Variants in CEP128 observed in about 807,000 individuals in gnomAD.
CEP128 encodes the protein centrosomal protein 128kDa.
In CEP128, 132 loss-of-function variants were observed where a neutral mutation model predicts 156.7. That is an observed-to-expected ratio of 0.84 (90% CI 0.73 to 0.97). The LOEUF is 0.97. CEP128 is among the 50% of genes least tolerant of loss of function. CEP128 has a pLI of 0.00. For synonymous variants in CEP128, 469 were observed against 448.9 expected (o/e 1.04, Z -0.57); for missense variants, 1,252 against 1,281.9 (o/e 0.98, Z 0.36).
intron 23 of CEP128, among the ~76,000 whole-genome samples, chr14:80,505,985 A>G (rs1262153043): frequency 2.0e-5 from 3 of 152,218 alleles, no homozygotes; most frequent in Non-Finnish European, 2.9e-5. Flanking sequence ...GATATAATAA[A>G]AACTGTAAGT....
intron 20 of CEP128, among the ~76,000 whole-genome samples, chr14:80,568,502 C>T (rs1891010282): frequency 6.6e-6 from 1 of 152,152 alleles, no homozygotes; most frequent in Non-Finnish European, 1.5e-5. Context: ...TTGCCCGTCA[C>T]TCTCATATTC....
chr14:80,727,050 C>T (rs970305177), intron 19 of CEP128, among the ~76,000 whole-genome samples: 26 of 152,178 alleles, frequency 1.7e-4, no homozygotes, highest in African/African-American at 6.3e-4. Context: ...GATTAGTCAC[C>T]TGAACATGGT....
intron 19 of CEP128, among the ~76,000 whole-genome samples, chr14:80,633,323 C>T (rs1007913979): frequency 2.0e-5 from 3 of 152,090 alleles, no homozygotes; most frequent in African/African-American, 4.8e-5. Context: ...CACAGGGGTC[C>T]GATATGTCAA....
intron 19 of CEP128, among the ~76,000 whole-genome samples, chr14:80,664,405 TGAGA>T (rs1445525135): frequency 6.6e-6 from 1 of 151,622 alleles, no homozygotes; most frequent in African/African-American, 2.4e-5. Context: ...GTGAGCAAGC[TGAGA>T]AAGAGCTATC....
chr14:80,551,530 T>C (rs1594987643), intron 21 of CEP128, among the ~76,000 whole-genome samples: 1 of 152,330 alleles, frequency 6.6e-6, no homozygotes, highest in East Asian at 1.9e-4. Flanking sequence ...TTCAGTGGAA[T>C]GGTGTTAATG....
chr14:80,927,553 G>A (rs1378439125), intron 2 of CEP128, among the ~76,000 whole-genome samples: 10 of 152,220 alleles, frequency 6.6e-5, no homozygotes, highest in Non-Finnish European at 1.2e-4. Context: ...ATGAAAAGAG[G>A]TGCCTGTCTG....
chr14:80,676,494 A>G (rs1206297900), intron 19 of CEP128, among the ~76,000 whole-genome samples: 1 of 151,980 alleles, frequency 6.6e-6, no homozygotes, highest in East Asian at 1.9e-4. Context: ...AGGCAGTTTT[A>G]TTTCCTCCAT....
At chr14:80,647,108 C>A (rs10145891) in intron 19 of CEP128, among the ~76,000 whole-genome samples, 1 of 79,152 alleles carries the variant, frequency 1.3e-5, no homozygotes, top group Admixed American at 1.5e-4. Flanking sequence ...AATACACATA[C>A]ACACACACAC....
intron 2 of CEP128, among the ~76,000 whole-genome samples, chr14:80,927,304 G>A (rs992688011): frequency 1.3e-5 from 2 of 152,190 alleles, no homozygotes; most frequent in African/African-American, 4.8e-5. Context: ...AAAGTATGTG[G>A]CTCTACCCCA....
At chr14:80,946,007 T>C (rs1270877938), upstream of CEP128, among the ~76,000 whole-genome samples, 1 of 152,238 alleles carries the variant, frequency 6.6e-6, no homozygotes, top group African/African-American at 2.4e-5. Context: ...TCCGTTATAA[T>C]GCCTATCAGC....
At chr14:80,635,742 C>A (rs186382456) in intron 19 of CEP128, among the ~76,000 whole-genome samples, 1 of 152,282 alleles carries the variant, frequency 6.6e-6, no homozygotes, top group African/African-American at 2.4e-5. Context: ...TTGAGCCTCC[C>A]TACTGTGAAC....
chr14:80,674,397 C>A (rs1895981099), intron 19 of CEP128, among the ~76,000 whole-genome samples: 1 of 152,118 alleles, frequency 6.6e-6, no homozygotes, highest in Non-Finnish European at 1.5e-5. Flanking sequence ...TTTCTGCTTA[C>A]TAACAAGTGA....
At chr14:80,890,831 A>T (rs1016712454) in intron 8 of CEP128, among the ~76,000 whole-genome samples, 2 of 152,110 alleles carry the variant, frequency 1.3e-5, no homozygotes, top group African/African-American at 2.4e-5. Flanking sequence ...CATTATTCAT[A>T]AGGAGCTCAA....
At chr14:80,654,309 G>A (rs114850657) in intron 19 of CEP128, among the ~76,000 whole-genome samples, 439 of 152,236 alleles carry the variant, frequency 2.9e-3, no homozygotes, top group African/African-American at 1.0e-2. Context: ...TATCTATAGT[G>A]ACTCTGAAGA....
intron 18 of CEP128, among the ~76,000 whole-genome samples, chr14:80,750,316 T>G (rs907502338): frequency 6.6e-6 from 1 of 152,214 alleles, no homozygotes; most frequent in Admixed American, 6.5e-5. Flanking sequence ...CAAATCATAG[T>G]GTAGTTGCCC....
At chr14:80,935,615 ATTG>A (rs1246525309) in intron 2 of CEP128, among the ~76,000 whole-genome samples, 2 of 106,394 alleles carry the variant, frequency 1.9e-5, no homozygotes, top group Non-Finnish European at 3.6e-5. Context: ...TAAAGTACTT[ATTG>A]TTGTATTCAA....
intron 13 of CEP128, among the ~76,000 whole-genome samples, chr14:80,828,707 G>C (rs1219506877): frequency 6.6e-6 from 1 of 152,084 alleles, no homozygotes; most frequent in Non-Finnish European, 1.5e-5. Context: ...GGAATTATTT[G>C]ACAAGACCAC....
intron 19 of CEP128, among the ~76,000 whole-genome samples, chr14:80,592,108 G>C (rs941891889): frequency 1.1e-4 from 16 of 152,208 alleles, no homozygotes; most frequent in African/African-American, 3.9e-4. Context: ...AGAGAAGCTG[G>C]AGCAAACAAA....
intron 24 of CEP128, among the ~76,000 whole-genome samples, chr14:80,502,340 A>G (rs1420869565): frequency 6.6e-6 from 1 of 152,138 alleles, no homozygotes; most frequent in Non-Finnish European, 1.5e-5. Flanking sequence ...ATAGGAAAAG[A>G]GTGAAGGACA....
Sources: allele counts gnomAD v4.1 joint callset (sites outside exome capture counted in the v4.1 genomes callset), GRCh38; gene constraint gnomAD v4.1.1; transcripts MANE v1.5; gene names NCBI Gene and HGNC (gene_info 2026-07-23, HGNC 2026-07-21).